Variants in NBAS observed in about 807,000 individuals in gnomAD.
NBAS encodes the protein NAG/BC035112 fusion.
Under a neutral mutation model 302.5 loss-of-function variants are expected in NBAS, and 219 were observed. The ratio of observed to expected loss-of-function variants is 0.72; its 90% confidence interval spans 0.65 to 0.81. The LOEUF (loss-of-function observed/expected upper bound fraction) is 0.81, where lower values mean the gene tolerates loss of function less well. NBAS is among the 30% of genes least tolerant of loss of function. The probability of loss-of-function intolerance (pLI) is 0.00; values close to 1 mark genes in which losing one functional copy is unlikely to be tolerated. For synonymous variants in NBAS, 1,118 were observed against 1,021.6 expected (o/e 1.09, Z -1.80); for missense variants, 2,932 against 2,841.6 (o/e 1.03, Z -0.72).
chr2:15,263,463 TC>T (rs1668940440), intron 44 of NBAS, among the ~76,000 whole-genome samples: 1 of 152,158 alleles, frequency 6.6e-6, no homozygotes, highest in Non-Finnish European at 1.5e-5. Flanking sequence ...GTCTAACTGA[TC>T]CATTCCCAAG....
chr2:14,894,038 TTTC>T, the NBAS span, among the ~76,000 whole-genome samples: 1 of 152,252 alleles, frequency 6.6e-6, no homozygotes, highest in Non-Finnish European at 1.5e-5. Context: ...TCAAAATTGA[TTTC>T]TTCTTTTATC....
the NBAS span, among the ~76,000 whole-genome samples, chr2:14,870,828 A>C: frequency 0.21 from 32,008 of 152,000 alleles, 5,849 homozygotes; most frequent in African/African-American, 0.5. Flanking sequence ...AGATAACAGA[A>C]GTTTGTAAAC....
intron 19 of NBAS, among the ~76,000 whole-genome samples, chr2:15,465,680 T>G (rs561240216): frequency 6.6e-6 from 1 of 152,166 alleles, no homozygotes; most frequent in African/African-American, 2.4e-5. Flanking sequence ...TTCATCAAAT[T>G]CACCTACTTT....
At chr2:14,844,296 C>A in the NBAS span, among the ~76,000 whole-genome samples, 3 of 152,084 alleles carry the variant, frequency 2.0e-5, no homozygotes, top group Non-Finnish European at 4.4e-5. Flanking sequence ...TCTAGACACA[C>A]CCTGGGCCAG....
chr2:15,189,939 A>C (rs1266456228), intron 49 of NBAS, among the ~76,000 whole-genome samples: 1 of 152,184 alleles, frequency 6.6e-6, no homozygotes, highest in Non-Finnish European at 1.5e-5. Flanking sequence ...TGGATTCTCA[A>C]GTTGGCACTG....
chr2:15,506,416 C>T (rs1460535629), intron 10 of NBAS, among the ~76,000 whole-genome samples: 1 of 151,968 alleles, frequency 6.6e-6, no homozygotes, highest in Non-Finnish European at 1.5e-5. Flanking sequence ...TAATAACATA[C>T]GAAGGGCAAA....
At position 15,520,848 on chromosome 2, in the gene NBAS, A is replaced by C. The variant is rs573283232; in HGVS notation, c.747-9498T>G. Reference sequence around the variant, plus strand: ...CTTACTGGGCATGGGAATCAAAGACATGAATTTACCACTCAACAGTCATGC... The same window carrying C: ...CTTACTGGGCATGGGAATCAAAGACCTGAATTTACCACTCAACAGTCATGC... On this transcript the variant is annotated intron_variant, in intron 9 of 51. Transcript: ENST00000281513. 2.0e-5 allele frequency among the ~76,000 whole-genome samples: 3 copies of C among 152,392 alleles called. No individual in the cohort carries two copies. In the East Asian group the frequency reaches 5.8e-4, roughly 29 times the overall value.
intron 30 of NBAS, among the ~76,000 whole-genome samples, chr2:15,375,888 G>A (rs971523242): frequency 9.3e-5 from 14 of 151,300 alleles, no homozygotes; most frequent in Non-Finnish European, 1.8e-4. Context: ...GTACTCACAT[G>A]AAAAAACCTT....
chr2:15,547,674 A>C (rs1336133868), intron 6 of NBAS, among the ~76,000 whole-genome samples: 1 of 152,138 alleles, frequency 6.6e-6, no homozygotes, highest in Non-Finnish European at 1.5e-5. Flanking sequence ...CCAACACTCT[A>C]AGCACGCTCC....
chr2:15,025,814 G>T, the NBAS span, among the ~76,000 whole-genome samples: 2 of 152,108 alleles, frequency 1.3e-5, no homozygotes, highest in African/African-American at 4.8e-5. Context: ...CATTGATTTT[G>T]TATCCTGAAA....
At chr2:15,135,938 T>C in the NBAS span, among the ~76,000 whole-genome samples, 1 of 151,850 alleles carries the variant, frequency 6.6e-6, no homozygotes, top group Non-Finnish European at 1.5e-5. Flanking sequence ...GAATTTGTTT[T>C]GGGTCGCATT....
chr2:15,553,801 T>C lies in NBAS; in HGVS notation c.287+260A>G, dbSNP rs868188544. On this transcript the variant is annotated intron_variant, in intron 4 of 51. Transcript: ENST00000281513. ...CTTTCTCTCTCTCCCTCCCTCCCTC[T>C]CTCCCTCCCTCCCTCTCTCCCTCTC... Among the ~76,000 whole-genome samples, 333 of 115,942 alleles carry C rather than the reference T, an allele frequency of 2.9e-3. 1 individual carries two copies. Among genetic ancestry groups the C allele is most frequent in the African/African-American group, 9.8e-3 (297 of 30,284 alleles). The allele number at this position is 115,942 out of a possible 152,430, so 76.1% of individuals were successfully genotyped here. A position where few individuals can be genotyped will look rare whatever the true frequency, so the allele number is the denominator to read the frequency against.
chr2:14,830,809 A>G, the NBAS span, among the ~76,000 whole-genome samples: 1 of 151,684 alleles, frequency 6.6e-6, no homozygotes, highest in Non-Finnish European at 1.5e-5. Context: ...TAGTTTTTCA[A>G]CTCTCCTCCC....
chr2:15,143,956 C>T, the NBAS span, among the ~76,000 whole-genome samples: 916 of 150,336 alleles, frequency 6.1e-3, 9 homozygotes, highest in African/African-American at 0.022. Flanking sequence ...CTCGGACGGG[C>T]TCTCCTTGCT....
chr2:14,959,927 C>CA, the NBAS span, among the ~76,000 whole-genome samples: 1 of 152,132 alleles, frequency 6.6e-6, no homozygotes, highest in Admixed American at 6.5e-5. Context: ...AAAAATGTTC[C>CA]AAAAACTACT....
At chr2:15,147,787 G>T in the NBAS span, among the ~76,000 whole-genome samples, 5 of 151,976 alleles carry the variant, frequency 3.3e-5, no homozygotes, top group Non-Finnish European at 7.3e-5. Context: ...TGCTGGGAAC[G>T]CTGAGAGGCA....
chr2:14,823,617 G>T, the NBAS span, among the ~76,000 whole-genome samples: 3 of 152,128 alleles, frequency 2.0e-5, no homozygotes, highest in Admixed American at 1.3e-4. Flanking sequence ...TACATTTTTC[G>T]AAATGATTCG....
chr2:15,442,373 G>C (rs1048689668), intron 21 of NBAS, among the ~76,000 whole-genome samples: 14 of 150,750 alleles, frequency 9.3e-5, no homozygotes, highest in South Asian at 4.2e-4. Context: ...CAACTACATG[G>C]AAACTGAACA....
the NBAS span, among the ~76,000 whole-genome samples, chr2:14,990,789 C>T: frequency 1.3e-5 from 2 of 152,244 alleles, no homozygotes; most frequent in Admixed American, 1.3e-4. Flanking sequence ...TTAAATACAA[C>T]ATATATACTG....
Sources: allele counts gnomAD v4.1 joint callset (sites outside exome capture counted in the v4.1 genomes callset), GRCh38; gene constraint gnomAD v4.1.1; transcripts MANE v1.5; gene names NCBI Gene and HGNC (gene_info 2026-07-23, HGNC 2026-07-21).